The following SUMF1 variants were observed in gnomAD, a reference collection of about 807,000 sequenced individuals.
SUMF1 encodes sulfatase modifying factor 1.
SUMF1 carries 48 observed loss-of-function variants against 47.6 expected under a neutral mutation model. The ratio of observed to expected loss-of-function variants is 1.01; its 90% CI spans 0.80 to 1.28. SUMF1 has a LOEUF of 1.28. SUMF1 is among the 50% of genes most tolerant of loss of function. SUMF1 has a pLI of 0.00. For missense variants in SUMF1, 571 were observed against 485.4 expected, an observed-to-expected ratio of 1.18 and a Z score of -1.66; for synonymous variants, 230 against 192.1, an observed-to-expected ratio of 1.20 and a Z score of -1.63.
intron 8 of SUMF1, among the ~76,000 whole-genome samples, chr3:4,211,220 ATATATATC>A (rs1695786205): frequency 1.4e-5 from 2 of 138,620 alleles, no homozygotes; most frequent in African/African-American, 5.3e-5. Context: ...ATATATATAT[ATATATATC>A]CTATTAGTTC....
chr3:4,192,015 C>A (rs1365806669), intron 8 of SUMF1, among the ~76,000 whole-genome samples: 1 of 152,148 alleles, frequency 6.6e-6, no homozygotes, highest in Non-Finnish European at 1.5e-5. Context: ...TATTTAAAAA[C>A]AATTAAGAAA....
At chr3:4,308,297 C>A (rs538868418) in intron 8 of SUMF1, among the ~76,000 whole-genome samples, 1 of 152,292 alleles carries the variant, frequency 6.6e-6, no homozygotes, top group African/African-American at 2.4e-5. Flanking sequence ...CTACTATGCA[C>A]TACCTGCAAA....
chr3:4,357,250 C>T (rs998617365), downstream of SUMF1, among the ~76,000 whole-genome samples: 1 of 151,286 alleles, frequency 6.6e-6, no homozygotes, highest in Non-Finnish European at 1.5e-5. Flanking sequence ...CATAAAATTC[C>T]TGAAGTTTCA....
At chr3:4,118,336 C>G (rs961356823) in intron 8 of SUMF1, among the ~76,000 whole-genome samples, 2 of 150,862 alleles carry the variant, frequency 1.3e-5, no homozygotes, top group Non-Finnish European at 3.0e-5. Context: ...TTTAAAATGC[C>G]ATAAAAGAGG....
chr3:4,270,832 G>C (rs1697288286), intron 8 of SUMF1, among the ~76,000 whole-genome samples: 1 of 152,148 alleles, frequency 6.6e-6, no homozygotes, highest in Admixed American at 6.6e-5. Context: ...ACTTTGTTAG[G>C]AACTTCCCTA....
chr3:4,333,669 A>C (rs1699091083), intron 8 of SUMF1, among the ~76,000 whole-genome samples: 1 of 152,144 alleles, frequency 6.6e-6, no homozygotes, highest in Non-Finnish European at 1.5e-5. Context: ...ACTCAACCCC[A>C]ATCAGCCCAT....
intron 8 of SUMF1, among the ~76,000 whole-genome samples, chr3:4,288,804 G>GAA (rs11436057): frequency 1.9e-3 from 285 of 146,844 alleles, no homozygotes; most frequent in Middle Eastern, 3.5e-3. Context: ...ACTCTGTCTA[G>GAA]AAAAAAAAAA....
At chr3:4,235,708 C>A (rs1307554305) in intron 8 of SUMF1, among the ~76,000 whole-genome samples, 3 of 152,046 alleles carry the variant, frequency 2.0e-5, no homozygotes, top group Non-Finnish European at 2.9e-5. Context: ...CCTCATATTT[C>A]TTATGGCAGT....
intron 6 of SUMF1, among the ~76,000 whole-genome samples, chr3:4,412,675 A>G (rs1474339888): frequency 2.0e-5 from 3 of 152,118 alleles, no homozygotes; most frequent in African/African-American, 7.2e-5. Flanking sequence ...CCTGGGGTCA[A>G]GAGTTCAAGA....
intron 8 of SUMF1, among the ~76,000 whole-genome samples, chr3:4,205,688 G>T (rs1366099282): frequency 6.6e-6 from 1 of 152,154 alleles, no homozygotes; most frequent in Non-Finnish European, 1.5e-5. Flanking sequence ...ACTCATAGAG[G>T]TACTGCCTTG....
intron 8 of SUMF1, among the ~76,000 whole-genome samples, chr3:4,143,990 T>TA (rs1301068341): frequency 8.7e-6 from 1 of 114,400 alleles, no homozygotes; most frequent in Non-Finnish European, 1.6e-5. Context: ...TTCTCTCTCT[T>TA]TTTTTTTTTT....
At chr3:4,317,046 C>T in intron 8 of SUMF1, 1 of 1,549,346 alleles carries the variant, frequency 6.5e-7, no homozygotes, top group African/African-American at 1.4e-5. Flanking sequence ...TTCACCTGAC[C>T]TCTTGCCAAC....
rs1370805909 is a variant in SUMF1, at chr3:4,467,148, C to T, written c.98G>A (p.Gly33Glu). ...CGCACCGGTCCCGGCCTCCTGGCTC[C>T]CTGCCGCTCCACACAGCAGCGAGAG... ...LLLSLLCGAA[G>E]SQEAGTGAGA... The change falls in exon 1 of 9, where the codon GGG becomes GAG. Residue 33 changes from glycine to glutamate, a missense_variant. Coordinates refer to ENST00000272902, the MANE Select transcript of SUMF1 (RefSeq NM_182760.4). 6.3e-7 allele frequency: 1 copy of T among 1,583,214 alleles called. No homozygotes were observed. Among genetic ancestry groups the T allele is most frequent in the East Asian group, 2.3e-5 (1 of 42,892 alleles).
intron 9 of SUMF1, among the ~76,000 whole-genome samples, chr3:4,052,720 T>G (rs1695134375): frequency 6.6e-6 from 1 of 152,198 alleles, no homozygotes; most frequent in Admixed American, 6.5e-5. Flanking sequence ...GGCAGAACAA[T>G]TATTACAGGT....
At chr3:4,330,901 C>T (rs1311412111) in intron 8 of SUMF1, among the ~76,000 whole-genome samples, 3 of 152,100 alleles carry the variant, frequency 2.0e-5, no homozygotes, top group African/African-American at 7.2e-5. Flanking sequence ...CTTTTTATAA[C>T]CTTTTTACAG....
chr3:4,198,158 C>T (rs1189565705), intron 8 of SUMF1, among the ~76,000 whole-genome samples: 1 of 151,032 alleles, frequency 6.6e-6, no homozygotes, highest in Admixed American at 6.6e-5. Flanking sequence ...CTCTCCTATT[C>T]CTTACTCATT....
intron 7 of SUMF1, among the ~76,000 whole-genome samples, chr3:4,387,654 G>C (rs78605064): frequency 0.082 from 12,422 of 151,682 alleles, 794 homozygotes; most frequent in African/African-American, 0.18. Context: ...TTTTTCTTCT[G>C]GGTCAAGCTG....
intron 8 of SUMF1, among the ~76,000 whole-genome samples, chr3:4,195,948 G>T (rs763437403): frequency 6.6e-6 from 1 of 152,038 alleles, no homozygotes; most frequent in Non-Finnish European, 1.5e-5. Flanking sequence ...AAACAGTATG[G>T]TGGGAAAGAA....
At chr3:4,055,052 C>T (rs764265342) in intron 9 of SUMF1, among the ~76,000 whole-genome samples, 50 of 152,278 alleles carry the variant, frequency 3.3e-4, no homozygotes, top group African/African-American at 7.0e-4. Context: ...CGCTAGTTCA[C>T]GTCTTCTCAC....
Sources: gnomAD v4.1 joint callset for allele counts (sites outside exome capture counted in the v4.1 genomes callset) on GRCh38, gnomAD v4.1.1 for gene constraint, MANE v1.5 for transcripts, NCBI Gene and HGNC (gene_info 2026-07-23, HGNC 2026-07-21) for gene names.